HELQ: variants seen among roughly 807,000 people sequenced by gnomAD.
HELQ encodes the protein helicase POLQ-like.
HELQ carries 77 observed loss-of-function variants against 111.6 expected under a neutral mutation model. The ratio of observed to expected loss-of-function variants is 0.69; its 90% confidence interval spans 0.57 to 0.83. HELQ has a LOEUF of 0.83. Among genes scored for constraint, HELQ ranks in the 40% least tolerant of loss-of-function variants. HELQ has a pLI of 0.00. For synonymous variants in HELQ, 438 were observed against 454.7 expected, an observed-to-expected ratio of 0.96 and a Z score of 0.47; for missense variants, 1,200 against 1,288.5, an observed-to-expected ratio of 0.93 and a Z score of 1.05.
intron 5 of HELQ, among the ~76,000 whole-genome samples, chr4:83,445,784 G>C (rs1156736544): frequency 6.6e-6 from 1 of 152,168 alleles, no homozygotes; most frequent in African/African-American, 2.4e-5. Flanking sequence ...AGAGGTTGAG[G>C]GATGTGCCTG....
At chr4:83,432,391 G>T in intron 9 of HELQ, 124 bp from the exon 10 acceptor site, 1 of 555,300 alleles carries the variant, frequency 1.8e-6, no homozygotes, top group Non-Finnish European at 2.8e-6. Flanking sequence ...TAGGTAACTA[G>T]TGTTTACCAA....
At chr4:83,427,758 A>C in intron 12 of HELQ, 38 bp from the exon 13 acceptor site, 1 of 1,387,150 alleles carries the variant, frequency 7.2e-7, no homozygotes, top group South Asian at 1.6e-5. Flanking sequence ...TTTCACAATT[A>C]CCAGAGGGGC....
chr4:83,422,727 C>G (rs1719606699), intron 14 of HELQ, among the ~76,000 whole-genome samples: 2 of 151,964 alleles, frequency 1.3e-5, no homozygotes, highest in African/African-American at 4.8e-5. Context: ...TTTAAGCCAC[C>G]CATTTGTGGT....
chr4:83,416,003 G>C (rs1739337280), intron 17 of HELQ, among the ~76,000 whole-genome samples: 1 of 149,752 alleles, frequency 6.7e-6, no homozygotes, highest in Admixed American at 6.7e-5. Flanking sequence ...CTGGAGTGCA[G>C]TGGTATGATC....
intron 1 of HELQ, 62 bp downstream of exon 1, chr4:83,455,335 A>G (rs1277989845): frequency 6.3e-7 from 1 of 1,576,740 alleles, no homozygotes; most frequent in Non-Finnish European, 8.6e-7. Context: ...AAAACTGGTC[A>G]ACTCTTTGCA....
Position 83,421,119 on chromosome 4 carries a change from A to AT in HELQ, c.2949+443dup, listed in dbSNP as rs770359574. ...AGCCATGGCATCCAGTCAAAATTAAATTTTTTTAAAAAGAGAATATGGTAC... is the reference window on the plus strand; with the variant it reads ...AGCCATGGCATCCAGTCAAAATTAAATTTTTTTTAAAAAGAGAATATGGTAC... On this transcript the variant is annotated intron_variant, in intron 15 of 17. Transcript: ENST00000295488. 1.1e-4 allele frequency among the ~76,000 whole-genome samples: 16 copies of AT among 152,232 alleles called. 1 individual carries two copies. Among genetic ancestry groups the AT allele is most frequent in the Admixed American group, 8.5e-4 (13 of 15,278 alleles).
Position 83,446,160 on chromosome 4 carries a change from A to C in HELQ, c.1393-74T>G, listed in dbSNP as rs1397753075. On this transcript the variant is annotated intron_variant, in intron 4 of 17. Coordinates refer to ENST00000295488, the MANE Select transcript of HELQ (RefSeq NM_133636.5). ...GCTCATATAAAACATGCATATATTCATATGAAATTTGTTTGTAAAGAGTTG... is the reference window on the plus strand; with the variant it reads ...GCTCATATAAAACATGCATATATTCCTATGAAATTTGTTTGTAAAGAGTTG... 3.0e-6 allele frequency: 3 copies of C among 1,005,126 alleles called. No individual in the cohort carries two copies. The African/African-American group carries it at 4.8e-5, about 16-fold the overall frequency. The allele number at this position is 1,005,126 out of a possible 1,614,324, so 62.3% of individuals were successfully genotyped here.
chr4:83,434,553 C>G (rs1271372168), intron 9 of HELQ, among the ~76,000 whole-genome samples: 1 of 151,850 alleles, frequency 6.6e-6, no homozygotes, highest in African/African-American at 2.4e-5. Context: ...GCCTCGATGT[C>G]CTGGGCTCAA....
chr4:83,439,637 A>G (rs1237370460), intron 8 of HELQ, among the ~76,000 whole-genome samples: 2 of 152,238 alleles, frequency 1.3e-5, no homozygotes, highest in Non-Finnish European at 2.9e-5. Context: ...CTGGGATTAC[A>G]GGCATGAGCC....
intron 9 of HELQ, among the ~76,000 whole-genome samples, chr4:83,434,459 A>T (rs892853054): frequency 2.0e-5 from 3 of 150,720 alleles, no homozygotes; most frequent in Non-Finnish European, 4.4e-5. Context: ...AATGGATATC[A>T]GTTAAAAACT....
chr4:83,451,535 G>A (rs530069214), intron 2 of HELQ, among the ~76,000 whole-genome samples: 52 of 152,094 alleles, frequency 3.4e-4, no homozygotes, highest in Non-Finnish European at 5.9e-4. Context: ...GCGTGGTGGC[G>A]GGCGCCTGTA....
chr4:83,436,185 C>T (rs1720448057), intron 9 of HELQ, among the ~76,000 whole-genome samples: 1 of 152,100 alleles, frequency 6.6e-6, no homozygotes, highest in South Asian at 2.1e-4. Flanking sequence ...GAGACTAACA[C>T]ACTTCTCTGA....
chr4:83,434,244 G>A (rs554525889), intron 9 of HELQ, among the ~76,000 whole-genome samples: 7 of 151,428 alleles, frequency 4.6e-5, no homozygotes, highest in Non-Finnish European at 8.8e-5. Flanking sequence ...GGTGGTGGGC[G>A]CCTGTAATCC....
intron 8 of HELQ, among the ~76,000 whole-genome samples, chr4:83,437,301 C>T (rs1340349443): frequency 1.3e-5 from 2 of 151,862 alleles, no homozygotes; most frequent in Non-Finnish European, 2.9e-5. Context: ...ATTACAGAAC[C>T]CTGTGAAAAT....
Position 83,453,958 on chromosome 4 carries a change from C to T in HELQ, c.298-13G>A, listed in dbSNP as rs1342445194. On this transcript the variant is annotated splice_polypyrimidine_tract_variant and intron_variant, in intron 1 of 17. Coordinates refer to ENST00000295488, the MANE Select transcript of HELQ (RefSeq NM_133636.5). ...CACTGTCATTAGGCTGCAAAGAGAA[C>T]AAAAACGCTTATGGTCAATTCCAGT... 2.0e-6 allele frequency: 3 copies of T among 1,467,656 alleles called. No homozygotes were observed. The South Asian group carries it at 3.6e-5, about 17-fold the overall frequency. The allele number at this position is 1,467,656 out of a possible 1,614,324, so 90.9% of individuals were successfully genotyped here. A position where few individuals can be genotyped will look rare whatever the true frequency, so the allele number is the denominator to read the frequency against.
chr4:83,455,203 A>C, intron 1 of HELQ, 194 bp downstream of exon 1: 1 of 1,222,514 alleles, frequency 8.2e-7, no homozygotes, highest in South Asian at 1.7e-5. Context: ...TGCGTGCACA[A>C]CTTTTATGTC....
chr4:83,423,800 A>T lies in HELQ; in HGVS notation c.2776-2064T>A, dbSNP rs142192709. ...ATGGCGGGCACCTGCAATCCCAGCTACTTGGGAGGCTAAGGCAGGAAAATC... is the reference window on the plus strand; with the variant it reads ...ATGGCGGGCACCTGCAATCCCAGCTTCTTGGGAGGCTAAGGCAGGAAAATC... On this transcript the variant is annotated intron_variant, in intron 14 of 17. Transcript: ENST00000295488. 2.5e-3 allele frequency among the ~76,000 whole-genome samples: 374 copies of T among 152,230 alleles called. 1 individual carries two copies. Among genetic ancestry groups the T allele is most frequent in the African/African-American group, 8.0e-3 (334 of 41,522 alleles).
Position 83,421,629 on chromosome 4 carries a change from T to C in HELQ, c.2883A>G (p.Arg961=), listed in dbSNP as rs1243877178. ...WTVSEKFNMP[R]GYIQNLLTGT... The stretch of plus-strand genomic sequence containing the variant: ...CAGTGAGAAGATTTTGTATATATCC[T>C]CGAGGCATATTAAATTTTTCAGATA... Residue 961 remains arginine (R), a synonymous_variant, in exon 15 of 18, where the codon CGA becomes CGG. Coordinates refer to ENST00000295488, the MANE Select transcript of HELQ (RefSeq NM_133636.5). The C allele has an allele frequency of 6.2e-7, 1 of 1,613,618 alleles. No individual in the cohort carries two copies. The highest frequency in any genetic ancestry group is 1.7e-5 in the Admixed American group (1 of 60,010).
chr4:83,418,069 T>A (rs773531987), intron 16 of HELQ, 24 bp downstream of exon 16: 3 of 1,298,098 alleles, frequency 2.3e-6, no homozygotes, highest in Non-Finnish European at 3.3e-6. Flanking sequence ...ATAATTTCAA[T>A]TGGGAAACCA....
Sources: allele counts gnomAD v4.1 joint callset (sites outside exome capture counted in the v4.1 genomes callset), GRCh38; gene constraint gnomAD v4.1.1; transcripts MANE v1.5; gene names NCBI Gene and HGNC (gene_info 2026-07-23, HGNC 2026-07-21).